The following CRYBA4 variants were observed in gnomAD, a reference collection of about 807,000 sequenced individuals.
CRYBA4 encodes the protein beta-crystallin A4.
CRYBA4 carries 30 observed loss-of-function variants against 31.7 expected under a neutral mutation model. The ratio of observed to expected loss-of-function variants is 0.95; its 90% CI spans 0.71 to 1.28. The LOEUF is 1.28. CRYBA4 is among the 50% of genes most tolerant of loss of function. The probability of loss-of-function intolerance (pLI) is 0.00; values close to 1 mark genes in which losing one functional copy is unlikely to be tolerated. For synonymous variants in CRYBA4, 102 were observed against 102.3 expected (o/e 1.00, Z 0.02); for missense variants, 225 against 260.7 (o/e 0.86, Z 0.94).
At chr22:26,611,032 T>C in the CRYBA4 span, among the ~76,000 whole-genome samples, 1 of 152,112 alleles carries the variant, frequency 6.6e-6, no homozygotes, top group African/African-American at 2.4e-5. Flanking sequence ...AGGCTGGACA[T>C]AGGGCAACCA....
At chr22:26,601,971 GC>G in the CRYBA4 span, 32 of 1,613,638 alleles carry the variant, frequency 2.0e-5, no homozygotes, top group Non-Finnish European at 2.6e-5. Context: ...CTATGGTGTT[GC>G]CCTTGAAGTT....
At chr22:26,620,712 C>T (rs1408108680), upstream of CRYBA4, among the ~76,000 whole-genome samples, 4 of 72 alleles carry the variant, frequency 0.056, no homozygotes, top group South Asian at 0.25. Context: ...TACAGGCGCC[C>T]GCGCTACTCC....
chr22:26,610,777 G>C, the CRYBA4 span, among the ~76,000 whole-genome samples: 1 of 152,156 alleles, frequency 6.6e-6, no homozygotes, highest in South Asian at 2.1e-4. Flanking sequence ...TGTGAGGAGT[G>C]GTGAGGGCCA....
chr22:26,630,403 T>G lies in CRYBA4; in HGVS notation c.507T>G (p.His169Gln). Residue 169 changes from histidine (H) to glutamine (Q), a missense_variant, in exon 6 of 6, where the codon CAT (histidine) becomes CAG (glutamine). Transcript: ENST00000354760. ...GFQYVLECDH[H>Q]SGDYKHFREW... The stretch of plus-strand genomic sequence containing the variant: ...AGTATGTGCTGGAATGCGATCACCA[T>G]TCCGGTGACTACAAACATTTCCGGG... 6.2e-7 allele frequency: 1 copy of G among 1,614,220 alleles called. No homozygotes were observed. The highest frequency in any genetic ancestry group is 8.5e-7 in the Non-Finnish European group (1 of 1,180,018).
At chr22:26,607,093 G>A in the CRYBA4 span, among the ~76,000 whole-genome samples, 1 of 148,884 alleles carries the variant, frequency 6.7e-6, no homozygotes, top group East Asian at 2.0e-4. Flanking sequence ...CATGATCTCG[G>A]CTCACTGCAA....
the CRYBA4 span, chr22:26,596,752 TG>T: frequency 6.6e-6 from 1 of 152,198 alleles, no homozygotes; most frequent in East Asian, 1.9e-4. Flanking sequence ...GAACTTAGAA[TG>T]GGGATCCATG....
chr22:26,609,014 A>G, the CRYBA4 span, among the ~76,000 whole-genome samples: 2 of 152,216 alleles, frequency 1.3e-5, no homozygotes, highest in African/African-American at 2.4e-5. Flanking sequence ...GTGGCAGTGC[A>G]GGTGGGGTAG....
At chr22:26,629,303 A>G (rs1459939253) in intron 5 of CRYBA4, among the ~76,000 whole-genome samples, 1 of 147,746 alleles carries the variant, frequency 6.8e-6, no homozygotes, top group East Asian at 2.0e-4. Flanking sequence ...TTTTGGCTTT[A>G]GTTTTCTCAG....
At chr22:26,611,946 C>G in the CRYBA4 span, 1 of 760,606 alleles carries the variant, frequency 1.3e-6, no homozygotes, top group South Asian at 1.4e-5. Flanking sequence ...GAGGATTGGA[C>G]ATAATGTATG....
chr22:26,615,216 C>T, the CRYBA4 span, among the ~76,000 whole-genome samples: 3 of 152,236 alleles, frequency 2.0e-5, no homozygotes, highest in Admixed American at 1.3e-4. Context: ...CCACACCAAA[C>T]CAAATCCCAG....
intron 5 of CRYBA4, among the ~76,000 whole-genome samples, chr22:26,629,456 G>A (rs1280534910): frequency 6.6e-6 from 1 of 151,874 alleles, no homozygotes; most frequent in East Asian, 1.9e-4. Flanking sequence ...AAATCAATGA[G>A]TTGGGCCAGA....
chr22:26,602,362 C>T, the CRYBA4 span, among the ~76,000 whole-genome samples: 5 of 151,932 alleles, frequency 3.3e-5, no homozygotes, highest in African/African-American at 1.2e-4. Flanking sequence ...GGTGGGAGGA[C>T]TGCTTGAGGC....
chr22:26,610,886 A>T, the CRYBA4 span, among the ~76,000 whole-genome samples: 2 of 152,172 alleles, frequency 1.3e-5, no homozygotes, highest in Non-Finnish European at 2.9e-5. Context: ...TCTGACCTCA[A>T]AGCTCATCTC....
At chr22:26,627,580 CTT>C (rs1929787936) in intron 4 of CRYBA4, among the ~76,000 whole-genome samples, 1 of 121,010 alleles carries the variant, frequency 8.3e-6, no homozygotes, top group Non-Finnish European at 1.8e-5. Flanking sequence ...CTTTCTTTTT[CTT>C]TCTTTTTCTC....
At chr22:26,618,460 G>A (rs1235558367), upstream of CRYBA4, among the ~76,000 whole-genome samples, 5 of 149,222 alleles carry the variant, frequency 3.4e-5, no homozygotes, top group African/African-American at 1.3e-4. Flanking sequence ...ACGTGTCCCT[G>A]TTGGATGCCA....
At chr22:26,599,374 G>C in the CRYBA4 span, 1 of 1,001,972 alleles carries the variant, frequency 1.0e-6, no homozygotes, top group Non-Finnish European at 1.5e-6. Context: ...GCACACATCT[G>C]TTTACAGATC....
chr22:26,622,653 GAGGGGGTGTTC>G lies in CRYBA4; in HGVS notation c.39+26_39+36del. ...CCTGGAAGGTAGGAAGAGGCATGGG[GAGGGGGTGTTC>G]AGGGGGTATGGGGAGGGTTCAGGTC... On this transcript the variant is annotated intron_variant, in intron 2 of 5. Coordinates refer to ENST00000354760, the MANE Select transcript of CRYBA4 (RefSeq NM_001886.3). The G allele has an allele frequency of 6.3e-7, 1 of 1,583,940 alleles. No homozygotes were observed. The highest frequency in any genetic ancestry group is 8.7e-7 in the Non-Finnish European group (1 of 1,152,740).
chr22:26,595,252 T>C, the CRYBA4 span, among the ~76,000 whole-genome samples: 1 of 152,226 alleles, frequency 6.6e-6, no homozygotes, highest in Non-Finnish European at 1.5e-5. Context: ...TGTACATATC[T>C]TGTTTCAGTG....
At chr22:26,613,948 G>A in the CRYBA4 span, among the ~76,000 whole-genome samples, 2 of 152,122 alleles carry the variant, frequency 1.3e-5, no homozygotes, top group African/African-American at 4.8e-5. Flanking sequence ...GGCCCCCCTG[G>A]GCGTGGTCGT....
Sources: allele counts gnomAD v4.1 joint callset (sites outside exome capture counted in the v4.1 genomes callset), GRCh38; gene constraint gnomAD v4.1.1; transcripts MANE v1.5; gene names NCBI Gene and HGNC (gene_info 2026-07-23, HGNC 2026-07-21).